Variants in R3HDM2 observed in about 807,000 individuals in gnomAD.
The protein encoded by R3HDM2 is R3H domain-containing protein 2.
In R3HDM2, 38 loss-of-function variants were observed where a neutral mutation model predicts 124.5. That is an observed-to-expected ratio of 0.31 (90% CI 0.24 to 0.40). The LOEUF (loss-of-function observed/expected upper bound fraction) is 0.40, where lower values mean the gene tolerates loss of function less well. Ranked by LOEUF, R3HDM2 falls within the 10% of genes least tolerant of loss-of-function variation. The probability of loss-of-function intolerance (pLI) is 1.00; values close to 1 mark genes in which losing one functional copy is unlikely to be tolerated. For synonymous variants in R3HDM2, 391 were observed against 448.0 expected (o/e 0.87, Z 1.61); for missense variants, 869 against 1,236.9 (o/e 0.70, Z 4.46).
intron 2 of R3HDM2, among the ~76,000 whole-genome samples, chr12:57,373,945 T>C (rs974801288): frequency 2.6e-5 from 4 of 151,462 alleles, no homozygotes; most frequent in Non-Finnish European, 5.9e-5. Context: ...CTGGCCAACA[T>C]GGTGAAACCC....
At chr12:57,274,190 TA>T (rs902560339) in intron 14 of R3HDM2, among the ~76,000 whole-genome samples, 16 of 151,294 alleles carry the variant, frequency 1.1e-4, no homozygotes, top group African/African-American at 2.9e-4. Flanking sequence ...GTAAAGTGGT[TA>T]AAAAAAAATG....
rs139470189 is a variant in R3HDM2, at chr12:57,413,957, C to T, written c.-106+16763G>A. ...GCCTCCCAAGTTCAAGTGATTCTCC[C>T]GCCTCAGCCTCCTGAGTAGCTGAGA... On this transcript the variant is annotated intron_variant, in intron 1 of 23. Transcript: ENST00000402412. Among the ~76,000 whole-genome samples the T allele has an allele frequency of 7.1e-3, 1,061 of 149,068 alleles. 14 individuals are homozygous for T. Among genetic ancestry groups the T allele is most frequent in the African/African-American group, 0.025 (1,011 of 40,698 alleles).
At chr12:57,285,538 AC>A (rs1045885930) in intron 12 of R3HDM2, among the ~76,000 whole-genome samples, 5 of 152,022 alleles carry the variant, frequency 3.3e-5, no homozygotes, top group Non-Finnish European at 7.4e-5. Context: ...CCAAAGCTTT[AC>A]CCCTTTCCTT....
intron 1 of R3HDM2, among the ~76,000 whole-genome samples, chr12:57,413,958 G>C (rs888008771): frequency 7.0e-6 from 1 of 142,566 alleles, no homozygotes; most frequent in Middle Eastern, 3.7e-3. Flanking sequence ...TGATTCTCCC[G>C]CCTCAGCCTC....
At chr12:57,346,326 C>T (rs961738420) in intron 2 of R3HDM2, among the ~76,000 whole-genome samples, 15 of 146,982 alleles carry the variant, frequency 1.0e-4, no homozygotes, top group African/African-American at 1.8e-4. Flanking sequence ...GGCATGGTGG[C>T]GGGCGCCTGT....
At chr12:57,291,512 G>T (rs1323779097) in intron 11 of R3HDM2, among the ~76,000 whole-genome samples, 3 of 151,856 alleles carry the variant, frequency 2.0e-5, no homozygotes, top group Admixed American at 6.6e-5. Flanking sequence ...AAGTTAGCCA[G>T]GCGTGGTAAT....
intron 2 of R3HDM2, among the ~76,000 whole-genome samples, chr12:57,336,371 T>G (rs2058844722): frequency 6.6e-6 from 1 of 152,130 alleles, no homozygotes; most frequent in Non-Finnish European, 1.5e-5. Flanking sequence ...ACTGCAACAC[T>G]ATTCAGAATA....
chr12:57,310,763 C>T (rs955288070), intron 2 of R3HDM2, among the ~76,000 whole-genome samples: 23 of 152,172 alleles, frequency 1.5e-4, no homozygotes, highest in African/African-American at 5.3e-4. Context: ...CCCAAAGGTT[C>T]CTCATGTCCC....
At chr12:57,272,343 T>C (rs1001962613) in intron 14 of R3HDM2, 5 of 900,532 alleles carry the variant, frequency 5.6e-6, no homozygotes, top group African/African-American at 3.3e-5. Flanking sequence ...GCTTTCAATA[T>C]GCCCTCCAAA....
chr12:57,355,318 G>T (rs1331153944), intron 2 of R3HDM2, among the ~76,000 whole-genome samples: 1 of 151,420 alleles, frequency 6.6e-6, no homozygotes, highest in Non-Finnish European at 1.5e-5. Flanking sequence ...AATTAGCCGG[G>T]CGTAGTGGCA....
At chr12:57,392,185 A>G (rs2066789013) in intron 2 of R3HDM2, among the ~76,000 whole-genome samples, 1 of 152,228 alleles carries the variant, frequency 6.6e-6, no homozygotes, top group Non-Finnish European at 1.5e-5. Flanking sequence ...TACAGGCTTC[A>G]TGAACCACCA....
chr12:57,352,813 A>G (rs1408782357), intron 2 of R3HDM2, among the ~76,000 whole-genome samples: 1 of 152,088 alleles, frequency 6.6e-6, no homozygotes, highest in African/African-American at 2.4e-5. Flanking sequence ...CTTATATAGT[A>G]ATTAAGACCT....
At chr12:57,294,664 C>A (rs2049361972) in intron 10 of R3HDM2, among the ~76,000 whole-genome samples, 1 of 152,144 alleles carries the variant, frequency 6.6e-6, no homozygotes, top group Non-Finnish European at 1.5e-5. Flanking sequence ...GGAGGCCAAG[C>A]AGAGGCAGGC....
At chr12:57,418,199 A>C (rs2069837063) in intron 1 of R3HDM2, 1 of 985,278 alleles carries the variant, frequency 1.0e-6, no homozygotes, top group Non-Finnish European at 1.2e-6. Flanking sequence ...AGCGTCATCC[A>C]TCCACAATTC....
rs534447481 is a variant in R3HDM2, at chr12:57,404,674, C to T, written c.-105-8856G>A. On this transcript the variant is annotated intron_variant, in intron 1 of 23. Coordinates refer to ENST00000402412, the MANE Select transcript of R3HDM2 (RefSeq NM_001394031.1). ...GAGATTGTGCCACTGCACTCCAGCC[C>T]GGCACCAGAGCGAGACTCTGTCTCA... Among the ~76,000 whole-genome samples, 166 of 152,060 alleles carry T rather than the reference C, an allele frequency of 1.1e-3. 1 individual carries two copies. The highest frequency in any genetic ancestry group is 3.6e-3 in the African/African-American group (150 of 41,470).
chr12:57,304,415 C>T (rs991770168), intron 3 of R3HDM2: 38 of 736,478 alleles, frequency 5.2e-5, no homozygotes, highest in African/African-American at 7.7e-5. Context: ...TCCAATGGGG[C>T]GTAGAGGGAA....
chr12:57,342,925 C>G (rs2137010550), intron 2 of R3HDM2, among the ~76,000 whole-genome samples: 1 of 152,258 alleles, frequency 6.6e-6, no homozygotes, highest in East Asian at 1.9e-4. Flanking sequence ...CAGTAGCTAT[C>G]TATTCCTCTT....
At chr12:57,394,824 TAAGA>T (rs1444714214) in intron 2 of R3HDM2, among the ~76,000 whole-genome samples, 1 of 152,214 alleles carries the variant, frequency 6.6e-6, no homozygotes, top group Non-Finnish European at 1.5e-5. Flanking sequence ...AATCACCTCT[TAAGA>T]AAGAATTCCC....
At chr12:57,302,799 A>G (rs2051546913) in intron 4 of R3HDM2, among the ~76,000 whole-genome samples, 1 of 151,932 alleles carries the variant, frequency 6.6e-6, no homozygotes, top group Admixed American at 6.6e-5. Flanking sequence ...AGGAAAAAAA[A>G]AAAAAAAGAA....
Sources: allele counts gnomAD v4.1 joint callset (sites outside exome capture counted in the v4.1 genomes callset), GRCh38; gene constraint gnomAD v4.1.1; transcripts MANE v1.5; gene names NCBI Gene and HGNC (gene_info 2026-07-23, HGNC 2026-07-21).